The following SFSWAP variants were observed in gnomAD, a reference collection of about 807,000 sequenced individuals.
SFSWAP encodes splicing factor, suppressor of white-apricot homolog.
SFSWAP carries 17 observed loss-of-function variants against 100.7 expected under a neutral mutation model. The ratio of observed to expected loss-of-function variants is 0.17; its 90% CI spans 0.12 to 0.25. The LOEUF (loss-of-function observed/expected upper bound fraction) is 0.25, where lower values mean the gene tolerates loss of function less well. SFSWAP is among the 10% of genes least tolerant of loss of function. SFSWAP has a pLI of 1.00. For synonymous variants in SFSWAP, 504 were observed against 510.1 expected, an observed-to-expected ratio of 0.99 and a Z score of 0.16; for missense variants, 1,005 against 1,262.6, an observed-to-expected ratio of 0.80 and a Z score of 3.09.
In SFSWAP at chr12:131,794,393, C is replaced by T. The variant is rs1885487222; in HGVS notation, c.2535-2785C>T. Among the ~76,000 whole-genome samples the T allele has an allele frequency of 6.6e-6, 1 of 151,380 alleles. No individual in the cohort carries two copies. The highest frequency in any genetic ancestry group is 2.4e-5 in the African/African-American group (1 of 41,170). On this transcript the variant is annotated intron_variant, in intron 15 of 17. Coordinates refer to ENST00000261674, the MANE Select transcript of SFSWAP (RefSeq NM_004592.4). This position sits in a 1 kb window ranked among gnomAD's most constrained non-coding sequence, Gnocchi z 4.8. Reference sequence around the variant, plus strand: ...CTACTTAAAAAAAAAAAAAATTAGCCATTTGTGGTGGCGTCTGCCTGTCGT... The same window carrying T: ...CTACTTAAAAAAAAAAAAAATTAGCTATTTGTGGTGGCGTCTGCCTGTCGT...
rs1364813957 is a variant in SFSWAP, at chr12:131,794,356, A to AG, written c.2535-2821dup. Among the ~76,000 whole-genome samples the AG allele has an allele frequency of 6.9e-6, 1 of 145,798 alleles. No homozygotes were observed. The highest frequency in any genetic ancestry group is 2.5e-5 in the African/African-American group (1 of 39,534). On this transcript the variant is annotated intron_variant, in intron 15 of 17. Transcript: ENST00000261674. This position sits in a 1 kb window ranked among gnomAD's most constrained non-coding sequence, Gnocchi z 4.8. The stretch of plus-strand genomic sequence containing the variant: ...TGCAGGCTTTTTTTTTTTTTGGTAG[A>AG]GACCCCCATCTCTACTTAAAAAAAA...
chr12:131,784,350 C>G (rs1455322093), intron 14 of SFSWAP: 2 of 152,100 alleles, frequency 1.3e-5, no homozygotes, highest in African/African-American at 4.8e-5. Context: ...ACAGAGAATT[C>G]CGTGACAGAA....
chr12:131,717,505 T>G (rs935985895), intron 3 of SFSWAP, among the ~76,000 whole-genome samples: 2 of 152,146 alleles, frequency 1.3e-5, no homozygotes, highest in African/African-American at 4.8e-5. Context: ...TGTAGTGCAA[T>G]GGTTGGTTTT....
rs78980089 is a variant in SFSWAP at position 131,754,407 on chromosome 12, C to T, written c.1362C>T (p.Pro454=). Reference sequence around the variant, plus strand: ...TGGCCGCCATCATCCCCCCGCCCCCCGACGTCCAGCCCGTGATTGACAAGC... The same window carrying T: ...TGGCCGCCATCATCCCCCCGCCCCCTGACGTCCAGCCCGTGATTGACAAGC... ...APVAAIIPPP[P]DVQPVIDKLA... The change falls in exon 9 of 18, where the codon CCC becomes CCT. Residue 454 remains proline, a synonymous_variant. Coordinates refer to ENST00000261674, the MANE Select transcript of SFSWAP (RefSeq NM_004592.4). 2,140 of 1,598,692 alleles carry T rather than the reference C, an allele frequency of 1.3e-3. 22 individuals are homozygous for T. In the African/African-American group the frequency reaches 0.023, roughly 17 times the overall value.
intron 7 of SFSWAP, among the ~76,000 whole-genome samples, chr12:131,738,885 CTTTTTTTT>C (rs71072785): frequency 4.1e-5 from 2 of 48,716 alleles, no homozygotes; most frequent in East Asian, 1.7e-3. Flanking sequence ...GAACATTATT[CTTTTTTTT>C]TTTTTTTTTT....
intron 4 of SFSWAP, among the ~76,000 whole-genome samples, chr12:131,724,592 T>TA: frequency 6.6e-6 from 1 of 152,400 alleles, no homozygotes; most frequent in African/African-American, 2.4e-5. Context: ...TTCCTAGTGT[T>TA]AATCTCTTTG....
At chr12:131,755,537 A>G in intron 10 of SFSWAP, 58 bp downstream of exon 10, 2 of 1,240,258 alleles carry the variant, frequency 1.6e-6, no homozygotes, top group Admixed American at 3.8e-5. Flanking sequence ...CGCCTTCCAG[A>G]TCAGAAGTCG....
chr12:131,777,638 C>T (rs964351750), intron 13 of SFSWAP, among the ~76,000 whole-genome samples: 53 of 152,324 alleles, frequency 3.5e-4, no homozygotes, highest in African/African-American at 1.2e-3. Flanking sequence ...GCATGATTTA[C>T]AATCCTTTGG....
intron 13 of SFSWAP, 126 bp from the exon 14 acceptor site, chr12:131,777,939 G>A: frequency 1.4e-6 from 2 of 1,453,902 alleles, no homozygotes; most frequent in Non-Finnish European, 1.8e-6. Context: ...AGCCACAGGA[G>A]GAGACTTTCT....
intron 7 of SFSWAP, among the ~76,000 whole-genome samples, chr12:131,744,626 A>G (rs553697634): frequency 6.6e-5 from 10 of 152,188 alleles, no homozygotes; most frequent in Non-Finnish European, 1.3e-4. Flanking sequence ...TGAGCCCTCC[A>G]AACTGTTCTA....
intron 7 of SFSWAP, among the ~76,000 whole-genome samples, chr12:131,738,603 A>G (rs958580259): frequency 1.3e-5 from 2 of 152,250 alleles, no homozygotes; most frequent in African/African-American, 4.8e-5. Flanking sequence ...CAGTTCTGAA[A>G]AAAGGTTAGG....
Position 131,778,149 on chromosome 12 carries a change from A to C in SFSWAP, c.2227A>C (p.Ser743Arg). ...LEVKPPDRPS[S>R]KSKDPPREEE... ...AGTTAAACCACCCGATAGGCCTTCG[A>C]GCAAAAGCAAAGATCCACCGAGAGA... Residue 743 changes from serine (S) to arginine (R), a missense_variant, in exon 14 of 18, where the codon AGC becomes CGC. This residue lies in a region of SFSWAP where 295 missense variants were observed against 347.9 expected (regional missense o/e 0.85). Coordinates refer to ENST00000261674, the MANE Select transcript of SFSWAP (RefSeq NM_004592.4). This position sits in a 1 kb window ranked among gnomAD's most constrained non-coding sequence, Gnocchi z 4.2. 1 of 1,613,460 alleles carries C rather than the reference A, an allele frequency of 6.2e-7. No individual in the cohort carries two copies.
intron 7 of SFSWAP, among the ~76,000 whole-genome samples, chr12:131,739,665 C>T (rs1397519806): frequency 6.6e-6 from 1 of 150,782 alleles, no homozygotes; most frequent in African/African-American, 2.4e-5. Flanking sequence ...TCTGCCTCAG[C>T]CTCCCGAGCA....
At chr12:131,746,103 A>G (rs1566023039) in intron 7 of SFSWAP, among the ~76,000 whole-genome samples, 1 of 152,378 alleles carries the variant, frequency 6.6e-6, no homozygotes, top group East Asian at 1.9e-4. Context: ...AGATGACTGC[A>G]TATATTGGTG....
intron 11 of SFSWAP, among the ~76,000 whole-genome samples, chr12:131,760,750 G>A (rs1263836957): frequency 1.3e-5 from 2 of 152,142 alleles, no homozygotes; most frequent in Non-Finnish European, 2.9e-5. Flanking sequence ...GGTCTGTGTT[G>A]ACACAGAAAC....
intron 7 of SFSWAP, among the ~76,000 whole-genome samples, chr12:131,751,015 G>A (rs1329611008): frequency 6.6e-6 from 1 of 152,132 alleles, no homozygotes; most frequent in Non-Finnish European, 1.5e-5. Context: ...ATTTGTAGTG[G>A]ATGAGTCTCT....
chr12:131,768,566 C>A (rs1291183211), intron 13 of SFSWAP, among the ~76,000 whole-genome samples: 3 of 152,178 alleles, frequency 2.0e-5, no homozygotes, highest in Non-Finnish European at 2.9e-5. Context: ...TTGTGTGAGA[C>A]CCTGTCGAGT....
intron 3 of SFSWAP, among the ~76,000 whole-genome samples, chr12:131,718,970 C>T (rs1266820335): frequency 6.6e-6 from 1 of 152,184 alleles, no homozygotes; most frequent in Non-Finnish European, 1.5e-5. Flanking sequence ...AGTTTAACTA[C>T]AGTTAACCCT....
chr12:131,760,460 CCT>C (rs1411935280), intron 11 of SFSWAP, among the ~76,000 whole-genome samples: 2 of 151,936 alleles, frequency 1.3e-5, no homozygotes, highest in Non-Finnish European at 2.9e-5. Context: ...TTATTTTTTG[CCT>C]CTCAAATTGA....
Sources: gnomAD v4.1 joint callset for allele counts (sites outside exome capture counted in the v4.1 genomes callset) on GRCh38, gnomAD v4.1.1 for gene constraint, gnomAD v4.1.1 regional missense constraint, Gnocchi (gnomAD v3.1) non-coding constraint, MANE v1.5 for transcripts, NCBI Gene and HGNC (gene_info 2026-07-23, HGNC 2026-07-21) for gene names.